FAF1: variants seen among roughly 807,000 people sequenced by gnomAD.
FAF1 encodes Fas associated factor 1.
FAF1 carries 25 observed loss-of-function variants against 92.5 expected under a neutral mutation model. The observed-to-expected ratio is 0.27, with a 90% CI of 0.20 to 0.38. FAF1 has a LOEUF of 0.38. FAF1 is among the 10% of genes least tolerant of loss of function. FAF1 has a pLI of 1.00. For synonymous variants in FAF1, 234 were observed against 273.2 expected, an observed-to-expected ratio of 0.86 and a Z score of 1.42; for missense variants, 636 against 793.3, an observed-to-expected ratio of 0.80 and a Z score of 2.38.
rs1475718535 is a variant in FAF1, at chr1:50,820,932, G to C, written c.115-19255C>G. Among the ~76,000 whole-genome samples the C allele has an allele frequency of 2.0e-5, 3 of 152,080 alleles. No homozygotes were observed. In the East Asian group the frequency reaches 5.8e-4, roughly 29 times the overall value. ...ACATTTAGGTTGTTTCCGTATGTTA[G>C]CTAATGTGAATAATGTTGCAATGAG... On this transcript the variant is annotated intron_variant, in intron 2 of 18. Coordinates refer to ENST00000396153, the MANE Select transcript of FAF1 (RefSeq NM_007051.3).
chr1:50,561,270 C>T (rs764043553), intron 13 of FAF1, among the ~76,000 whole-genome samples: 2 of 152,108 alleles, frequency 1.3e-5, no homozygotes, highest in South Asian at 2.1e-4. Context: ...GGCATATGAG[C>T]GTACACCATG....
At chr1:50,747,131 C>G (rs887023150) in intron 4 of FAF1, among the ~76,000 whole-genome samples, 1 of 152,214 alleles carries the variant, frequency 6.6e-6, no homozygotes, top group African/African-American at 2.4e-5. Context: ...CCCACACACA[C>G]AGTCTCCATT....
chr1:50,676,744 AC>A (rs1204725014), intron 7 of FAF1, among the ~76,000 whole-genome samples: 1 of 150,304 alleles, frequency 6.7e-6, no homozygotes, highest in Non-Finnish European at 1.5e-5. Flanking sequence ...ATCGCTTGAA[AC>A]CAGGAAGAGG....
At position 50,897,211 on chromosome 1, in the gene FAF1, A is replaced by G. The variant is rs577997859; in HGVS notation, c.46-39214T>C. On this transcript the variant is annotated intron_variant, in intron 1 of 18. Transcript: ENST00000396153. ...TCCATGTTCATAGACAGGAACACAC[A>G]ATATTGTTTAGATGTCATCTATGAA... Among the ~76,000 whole-genome samples, 10 of 152,338 alleles carry G rather than the reference A, an allele frequency of 6.6e-5. No individual in the cohort carries two copies. The East Asian group carries it at 1.9e-3, about 29-fold the overall frequency.
At chr1:50,846,245 CAAAAAAA>C (rs75791117) in intron 2 of FAF1, among the ~76,000 whole-genome samples, 1 of 134,154 alleles carries the variant, frequency 7.5e-6, no homozygotes, top group Non-Finnish European at 1.6e-5. Context: ...ACAATGCATA[CAAAAAAA>C]AAAAAGAAAA....
At chr1:50,885,292 T>TC in intron 1 of FAF1, among the ~76,000 whole-genome samples, 1 of 118,510 alleles carries the variant, frequency 8.4e-6, no homozygotes, top group Non-Finnish European at 1.7e-5. Context: ...TCTCCGTGTC[T>TC]CTTTCTCTCT....
At chr1:50,476,503 G>T (rs1183086676) in intron 17 of FAF1, among the ~76,000 whole-genome samples, 5 of 152,110 alleles carry the variant, frequency 3.3e-5, no homozygotes, top group Non-Finnish European at 4.4e-5. Flanking sequence ...TTGAATCCAG[G>T]TTTTAGTATT....
Position 50,441,410 on chromosome 1 carries a change from G to A in FAF1, c.*30C>T, listed in dbSNP as rs1382781929. ...CTGACGCAGGCTGCTGGCTTGTCAA[G>A]GAATGGCTGGTTCCACCGCTGGGCC... On this transcript the variant is annotated 3_prime_UTR_variant, in exon 19 of 19. Coordinates refer to ENST00000396153, the MANE Select transcript of FAF1 (RefSeq NM_007051.3). 2.1e-6 allele frequency: 3 copies of A among 1,414,238 alleles called. No individual in the cohort carries two copies. The highest frequency in any genetic ancestry group is 2.9e-6 in the Non-Finnish European group (3 of 1,046,324). 87.6% of individuals were successfully genotyped at this position (1,414,238 alleles called of 1,614,324 possible). A position where few individuals can be genotyped will look rare whatever the true frequency, so the allele number is the denominator to read the frequency against.
chr1:50,737,906 TCAA>T (rs1659206840), intron 6 of FAF1, among the ~76,000 whole-genome samples: 1 of 152,084 alleles, frequency 6.6e-6, no homozygotes, highest in African/African-American at 2.4e-5. Context: ...AAAATTTGTA[TCAA>T]CAACAGAAAA....
intron 18 of FAF1, among the ~76,000 whole-genome samples, chr1:50,457,134 A>AT (rs1646362193): frequency 1.3e-5 from 2 of 151,026 alleles, no homozygotes; most frequent in Admixed American, 1.3e-4. Context: ...CATAAAGCCA[A>AT]TTAGAGGAGG....
chr1:50,779,991 GACACACACACAC>G (rs57528056), intron 4 of FAF1, among the ~76,000 whole-genome samples: 4 of 145,532 alleles, frequency 2.7e-5, no homozygotes, highest in African/African-American at 5.1e-5. Context: ...CAGACAGACA[GACACACACACAC>G]ACACACACAC....
chr1:50,589,723 C>A (rs1480074905), intron 9 of FAF1, among the ~76,000 whole-genome samples: 1 of 152,126 alleles, frequency 6.6e-6, no homozygotes, highest in East Asian at 1.9e-4. Flanking sequence ...TTACCTGTGC[C>A]ATTAGTGTCA....
chr1:50,811,644 T>G (rs1483469470), intron 2 of FAF1, among the ~76,000 whole-genome samples: 1 of 152,158 alleles, frequency 6.6e-6, no homozygotes, highest in Non-Finnish European at 1.5e-5. Flanking sequence ...CTAAAGCAAT[T>G]TACAGATTCA....
At chr1:50,930,093 G>T (rs1333727949) in intron 1 of FAF1, among the ~76,000 whole-genome samples, 1 of 152,060 alleles carries the variant, frequency 6.6e-6, no homozygotes, top group African/African-American at 2.4e-5. Context: ...TTTATTTAGG[G>T]TAATCTGGGG....
intron 1 of FAF1, among the ~76,000 whole-genome samples, chr1:50,893,153 G>C: frequency 6.6e-6 from 1 of 152,128 alleles, no homozygotes; most frequent in Non-Finnish European, 1.5e-5. Context: ...TCTGAAAAAG[G>C]TCACATATCT....
Position 50,714,923 on chromosome 1 carries a change from T to C in FAF1, c.552-9032A>G. 2 of 376,376 alleles carry C rather than the reference T, an allele frequency of 5.3e-6. 1 individual carries two copies. Among genetic ancestry groups the C allele is most frequent in the South Asian group, 4.2e-5 (2 of 47,426 alleles). The allele number at this position is 376,376 out of a possible 1,614,324, so 23.3% of individuals were successfully genotyped here. A position where few individuals can be genotyped will look rare whatever the true frequency, so the allele number is the denominator to read the frequency against. On this transcript the variant is annotated intron_variant, in intron 6 of 18. Coordinates refer to ENST00000396153, the MANE Select transcript of FAF1 (RefSeq NM_007051.3). ...GTGTCCTGAGTCCAGACAAATGATATTTATATACACATCCAAATTTGAAGA... is the reference window on the plus strand; with the variant it reads ...GTGTCCTGAGTCCAGACAAATGATACTTATATACACATCCAAATTTGAAGA...
rs35479561 is a variant in FAF1 at position 50,457,724 on chromosome 1, C to CAAAAAAAAAAAAAAA, written c.1870-16216_1870-16202dup. 9.0e-4 allele frequency among the ~76,000 whole-genome samples: 51 copies of CAAAAAAAAAAAAAAA among 56,538 alleles called. 2 individuals are homozygous for CAAAAAAAAAAAAAAA. The highest frequency in any genetic ancestry group is 2.5e-3 in the African/African-American group (26 of 10,424). 37.1% of individuals were successfully genotyped at this position (56,538 alleles called of 152,430 possible). A position where few individuals can be genotyped will look rare whatever the true frequency, so the allele number is the denominator to read the frequency against. ...GCAATTCGGTGAAACCCCATCTCTG[C>CAAAAAAAAAAAAAAA]AAAAAAAAAAAAAAAAAAAAAATAC... On this transcript the variant is annotated intron_variant, in intron 18 of 18. Transcript: ENST00000396153.
chr1:50,617,082 C>T (rs1268217447), intron 8 of FAF1, among the ~76,000 whole-genome samples: 1 of 152,204 alleles, frequency 6.6e-6, no homozygotes, highest in Non-Finnish European at 1.5e-5. Context: ...ATCATATCAT[C>T]AGCAAAGAGA....
chr1:50,523,328 G>C (rs560231907), intron 15 of FAF1, among the ~76,000 whole-genome samples: 113 of 152,234 alleles, frequency 7.4e-4, no homozygotes, highest in Admixed American at 1.1e-3. Flanking sequence ...TTAACTTTTT[G>C]AGTAGTCAAC....
Sources: gnomAD v4.1 joint callset for allele counts (sites outside exome capture counted in the v4.1 genomes callset) on GRCh38, gnomAD v4.1.1 for gene constraint, MANE v1.5 for transcripts, NCBI Gene and HGNC (gene_info 2026-07-23, HGNC 2026-07-21) for gene names.